The following SUPT3H variants were observed in gnomAD, a reference collection of about 807,000 sequenced individuals.
The protein encoded by SUPT3H is SPT3 homolog, SAGA and STAGA complex component, also known as transcription initiation protein SPT3 homolog.
In SUPT3H, 44 loss-of-function variants were observed where a neutral mutation model predicts 44.3. That is an observed-to-expected ratio of 0.99 (90% CI 0.78 to 1.28). The LOEUF (loss-of-function observed/expected upper bound fraction) is 1.28, where lower values mean the gene tolerates loss of function less well. SUPT3H is among the 50% of genes most tolerant of loss of function. The probability of loss-of-function intolerance (pLI) is 0.00; values close to 1 mark genes in which losing one functional copy is unlikely to be tolerated. For synonymous variants in SUPT3H, 124 were observed against 125.6 expected (o/e 0.99, Z 0.09); for missense variants, 380 against 387.1 (o/e 0.98, Z 0.15).
chr6:45,152,651 C>T (rs866189184), intron 2 of SUPT3H, among the ~76,000 whole-genome samples: 9 of 152,106 alleles, frequency 5.9e-5, no homozygotes, highest in South Asian at 2.1e-4. Flanking sequence ...ACACCACGCC[C>T]GGCTAATTTT....
intron 2 of SUPT3H, among the ~76,000 whole-genome samples, chr6:45,142,475 G>A (rs535987718): frequency 2.0e-5 from 3 of 152,056 alleles, no homozygotes; most frequent in Admixed American, 6.6e-5. Context: ...GGTGGCTCAC[G>A]TCTGTAATTC....
chr6:45,096,192 T>C (rs910171317), intron 3 of SUPT3H, among the ~76,000 whole-genome samples: 14 of 152,184 alleles, frequency 9.2e-5, no homozygotes, highest in African/African-American at 3.4e-4. Flanking sequence ...TTGTATTGCA[T>C]TGAATCATAT....
intron 10 of SUPT3H, among the ~76,000 whole-genome samples, chr6:44,896,548 C>G (rs1021099693): frequency 2.6e-5 from 4 of 152,130 alleles, no homozygotes; most frequent in African/African-American, 9.7e-5. Context: ...AGTGATGGAA[C>G]AGATTCTGAG....
At chr6:45,161,009 T>C (rs1331261757) in intron 2 of SUPT3H, among the ~76,000 whole-genome samples, 1 of 151,970 alleles carries the variant, frequency 6.6e-6, no homozygotes, top group Admixed American at 6.6e-5. Flanking sequence ...AATAGTGAGT[T>C]CATTCTCAGG....
At chr6:45,055,510 GAAATAAAGCC>G (rs934534334) in intron 3 of SUPT3H, among the ~76,000 whole-genome samples, 4 of 152,090 alleles carry the variant, frequency 2.6e-5, no homozygotes, top group African/African-American at 9.7e-5. Context: ...AGAGAGCCCA[GAAATAAAGCC>G]AAATACAGCC....
At position 45,367,055 on chromosome 6, in the gene SUPT3H, G is replaced by A. The variant is rs980958976; in HGVS notation, c.1-1754C>T. On this transcript the variant is annotated intron_variant, in intron 1 of 10. Transcript: ENST00000371459. ...GAAGGGCTGGGCCCCACGAAAGAAG[G>A]TTGGGGAAAAAAAGCTACTACAAAT... 2.6e-5 allele frequency among the ~76,000 whole-genome samples: 4 copies of A among 152,154 alleles called. 1 individual carries two copies. In the South Asian group the frequency reaches 8.3e-4, roughly 31 times the overall value.
At position 45,139,662 on chromosome 6, in the gene SUPT3H, C is replaced by G. The variant is rs375261944; in HGVS notation, c.102-33656G>C. On this transcript the variant is annotated intron_variant, in intron 2 of 10. Coordinates refer to ENST00000371459, the MANE Select transcript of SUPT3H (RefSeq NM_003599.4). Reference sequence around the variant, plus strand: ...GGTAACAGGAGAAGGATTTACCTTACGTAAAGCTGAAATGTATTAGGGAGC... The same window carrying G: ...GGTAACAGGAGAAGGATTTACCTTAGGTAAAGCTGAAATGTATTAGGGAGC... Among the ~76,000 whole-genome samples the G allele has an allele frequency of 4.6e-4, 70 of 152,154 alleles. No individual in the cohort carries two copies. In the South Asian group the frequency reaches 7.5e-3, roughly 16 times the overall value.
intron 2 of SUPT3H, among the ~76,000 whole-genome samples, chr6:45,169,931 A>G (rs1810503811): frequency 6.6e-6 from 1 of 152,194 alleles, no homozygotes; most frequent in Non-Finnish European, 1.5e-5. Context: ...AAGATGCTAA[A>G]TAAAATTATT....
intron 1 of SUPT3H, among the ~76,000 whole-genome samples, chr6:45,367,881 A>AC (rs1427231861): frequency 7.9e-5 from 12 of 152,288 alleles, no homozygotes; most frequent in African/African-American, 2.2e-4. Context: ...ATTTTTCTTG[A>AC]CATGATGAGC....
chr6:45,132,957 T>C (rs1277988878), intron 2 of SUPT3H, among the ~76,000 whole-genome samples: 1 of 151,994 alleles, frequency 6.6e-6, no homozygotes, highest in Non-Finnish European at 1.5e-5. Context: ...TCTAGGTCTG[T>C]CTGAGTACAC....
chr6:45,355,429 C>T (rs1449125218), intron 2 of SUPT3H, among the ~76,000 whole-genome samples: 1 of 152,032 alleles, frequency 6.6e-6, no homozygotes, highest in African/African-American at 2.4e-5. Flanking sequence ...AACAGTTCCC[C>T]TACCCATAAA....
Position 45,077,626 on chromosome 6 carries a change from C to CAAAAAAAAAAAA in SUPT3H, c.186+28284_186+28295dup, listed in dbSNP as rs70993493. ...TAGGTGACAGAGTGAGACCTTGTTT[C>CAAAAAAAAAAAA]AAAAAAAAAAAAAAAAGAAAAGAAA... is the stretch of plus-strand genomic sequence containing the variant. On this transcript the variant is annotated intron_variant, in intron 3 of 10. Coordinates refer to ENST00000371459, the MANE Select transcript of SUPT3H (RefSeq NM_003599.4). Among the ~76,000 whole-genome samples, 143 of 33,990 alleles carry CAAAAAAAAAAAA rather than the reference C, an allele frequency of 4.2e-3. 13 individuals carry two copies. The highest frequency in any genetic ancestry group is 8.0e-3 in the African/African-American group (56 of 7,000). 22.3% of individuals were successfully genotyped at this position (33,990 alleles called of 152,430 possible). A position where few individuals can be genotyped will look rare whatever the true frequency, so the allele number is the denominator to read the frequency against.
chr6:45,223,585 A>G (rs1766418871), intron 2 of SUPT3H, among the ~76,000 whole-genome samples: 1 of 151,972 alleles, frequency 6.6e-6, no homozygotes, highest in Non-Finnish European at 1.5e-5. Flanking sequence ...TTTATATTTA[A>G]TAATGAAATT....
chr6:45,115,022 G>C (rs1197055286), intron 2 of SUPT3H, among the ~76,000 whole-genome samples: 4 of 152,134 alleles, frequency 2.6e-5, no homozygotes, highest in Non-Finnish European at 5.9e-5. Context: ...TACTATCTTA[G>C]ATTGACTGAA....
intron 6 of SUPT3H, among the ~76,000 whole-genome samples, chr6:44,988,010 A>G (rs1780056335): frequency 6.6e-6 from 1 of 152,172 alleles, no homozygotes; most frequent in Non-Finnish European, 1.5e-5. Flanking sequence ...GTAAGAAAGT[A>G]AGATTAGTCT....
At chr6:45,305,784 C>A (rs561981375) in intron 2 of SUPT3H, among the ~76,000 whole-genome samples, 1 of 152,330 alleles carries the variant, frequency 6.6e-6, no homozygotes, top group East Asian at 1.9e-4. Context: ...AGTCATTCTA[C>A]AAATAACCCA....
chr6:45,101,805 A>G (rs71566519), intron 3 of SUPT3H, among the ~76,000 whole-genome samples: 1 of 152,156 alleles, frequency 6.6e-6, no homozygotes, highest in Non-Finnish European at 1.5e-5. Context: ...ATAATAAAAA[A>G]CAAAAAAAAA....
chr6:45,340,320 T>C (rs1465145315), intron 2 of SUPT3H, among the ~76,000 whole-genome samples: 1 of 152,040 alleles, frequency 6.6e-6, no homozygotes, highest in African/African-American at 2.4e-5. Context: ...AAGGTGAGGT[T>C]TGTTAAGCCC....
intron 2 of SUPT3H, among the ~76,000 whole-genome samples, chr6:45,128,946 A>T (rs1802978760): frequency 6.6e-6 from 1 of 152,160 alleles, no homozygotes; most frequent in Non-Finnish European, 1.5e-5. Context: ...TCGGCCTCCC[A>T]AAGTGCTGGG....
Sources: gnomAD v4.1 joint callset for allele counts (sites outside exome capture counted in the v4.1 genomes callset) on GRCh38, gnomAD v4.1.1 for gene constraint, MANE v1.5 for transcripts, NCBI Gene and HGNC (gene_info 2026-07-23, HGNC 2026-07-21) for gene names.